The following KRT32 variants were observed in gnomAD, a reference collection of about 807,000 sequenced individuals.
KRT32 encodes the protein keratin 32.
A neutral mutation model predicts 41.8 loss-of-function variants in KRT32; 44 were observed. The ratio of observed to expected loss-of-function variants is 1.05; its 90% CI spans 0.83 to 1.35. KRT32 has a LOEUF of 1.35. Among genes scored for constraint, KRT32 ranks in the 40% most tolerant of loss-of-function variants. The pLI, the probability that KRT32 is intolerant of heterozygous loss-of-function variation, is 0.00. For synonymous variants in KRT32, 238 were observed against 242.5 expected (o/e 0.98, Z 0.17); for missense variants, 576 against 584.6 (o/e 0.99, Z 0.15).
At chr17:41,460,772 C>T (rs1209752289) in intron 6 of KRT32, among the ~76,000 whole-genome samples, 4 of 152,100 alleles carry the variant, frequency 2.6e-5, no homozygotes, top group South Asian at 2.1e-4. Flanking sequence ...ACCTAGATGA[C>T]GGGTTGATAG....
At position 41,467,041 on chromosome 17, in the gene KRT32, A is replaced by G. The variant is rs2019076469; in HGVS notation, c.285T>C (p.Asn95=). 1 of 1,614,100 alleles carries G rather than the reference A, an allele frequency of 6.2e-7. No individual in the cohort carries two copies. Among genetic ancestry groups the G allele is most frequent in the Non-Finnish European group, 8.5e-7 (1 of 1,180,042 alleles). ...SWYSEGAFNG[N]EKETMQFLND... Reference sequence around the variant, plus strand: ...TAAGGAACTGCATGGTTTCCTTCTCATTGCCATTGAAGGCCCCTTCGCTGT... The same window carrying G: ...TAAGGAACTGCATGGTTTCCTTCTCGTTGCCATTGAAGGCCCCTTCGCTGT... Residue 95 remains asparagine, a synonymous_variant, in exon 1 of 7, where the codon AAT becomes AAC. Transcript: ENST00000225899.
Position 41,459,538 on chromosome 17 carries a change from G to T in KRT32, c.*572C>A, listed in dbSNP as rs1010422684. 6.6e-6 allele frequency among the ~76,000 whole-genome samples: 1 copy of T among 152,130 alleles called. No individual in the cohort carries two copies. Among genetic ancestry groups the T allele is most frequent in the Non-Finnish European group, 1.5e-5 (1 of 68,018 alleles). On this transcript the variant is annotated 3_prime_UTR_variant, in exon 7 of 7. Transcript: ENST00000225899. ...TGAGATTTAGGGGTGGGTTTATTAT[G>T]ATATGATTCTCAATTACAGTAATTT...
chr17:41,463,023 C>T lies in KRT32; in HGVS notation c.1024G>A (p.Glu342Lys). 1 of 1,613,792 alleles carries T rather than the reference C, an allele frequency of 6.2e-7. No individual in the cohort carries two copies. The highest frequency in any genetic ancestry group is 1.7e-5 in the Admixed American group (1 of 60,018). The change falls in exon 6 of 7, where the codon GAG (glutamate) becomes AAG (lysine). Residue 342 changes from glutamate to lysine, a missense_variant. Coordinates refer to ENST00000225899, the MANE Select transcript of KRT32 (RefSeq NM_002278.3). ...TGGGAGCTGTAGCGGGCCTCACTCT[C>T]CGTCAGCGTGTTTTCCAGGGAGTCC... ...LRDSLENTLT[E>K]SEARYSSQLA...
In KRT32 at chr17:41,464,352, T is replaced by G; in HGVS notation, c.800A>C (p.Glu267Ala). The G allele has an allele frequency of 1.2e-6, 2 of 1,612,386 alleles. No homozygotes were observed. The highest frequency in any genetic ancestry group is 2.2e-5 in the South Asian group (2 of 90,898). ...PPVDLTRVLE[E>A]MRCQYEAMVE... Reference sequence around the variant, plus strand: ...CATGGCCTCGTACTGACACCGCATCTCCTCCAGCACCCTGGTCAGGTCCAC... The same window carrying G: ...CATGGCCTCGTACTGACACCGCATCGCCTCCAGCACCCTGGTCAGGTCCAC... The change falls in exon 4 of 7, where the codon GAG (glutamate) becomes GCG (alanine). Residue 267 changes from glutamate to alanine, a missense_variant. Physicochemically the swap from Glu to Ala is moderately radical, Grantham distance 107. Coordinates refer to ENST00000225899, the MANE Select transcript of KRT32 (RefSeq NM_002278.3).
intron 2 of KRT32, 24 bp from the exon 3 acceptor site, chr17:41,465,953 C>A (rs2019063172): frequency 1.2e-6 from 2 of 1,607,266 alleles, no homozygotes; most frequent in Non-Finnish European, 1.7e-6. Flanking sequence ...GGGTCAGCAA[C>A]CAAGGGTGAA....
chr17:41,467,275 G>A lies in KRT32; in HGVS notation c.51C>T (p.Ser17=). ...VTNNLQASLK[S]CPRPASVCSS... ...AACAGACCGAGGCAGGCCGGGGGCA[G>A]CTCTTGAGAGAGGCTTGCAAGTTGT... Residue 17 remains serine, a synonymous_variant, in exon 1 of 7, where the codon AGC becomes AGT. Transcript: ENST00000225899. 1 of 1,613,302 alleles carries A rather than the reference G, an allele frequency of 6.2e-7. No individual in the cohort carries two copies. Among genetic ancestry groups the A allele is most frequent in the South Asian group, 1.1e-5 (1 of 91,050 alleles).
chr17:41,461,404 C>G (rs1487628260), intron 6 of KRT32, among the ~76,000 whole-genome samples: 2 of 152,218 alleles, frequency 1.3e-5, no homozygotes, highest in African/African-American at 4.8e-5. Flanking sequence ...CCAGGAACAA[C>G]ACACTGGATG....
chr17:41,465,018 C>G (rs1054249396), intron 3 of KRT32, among the ~76,000 whole-genome samples: 3 of 152,112 alleles, frequency 2.0e-5, no homozygotes, highest in Non-Finnish European at 4.4e-5. Flanking sequence ...CCTGAGGAAA[C>G]CCAGCCAAGA....
chr17:41,464,058 G>A lies in KRT32; in HGVS notation c.996+20C>T. 2 of 1,556,566 alleles carry A rather than the reference G, an allele frequency of 1.3e-6. No homozygotes were observed. The highest frequency in any genetic ancestry group is 1.9e-5 in the Admixed American group (1 of 52,590). On this transcript the variant is annotated intron_variant, in intron 5 of 6. Transcript: ENST00000225899. ...CCGCCTAGGATCCGGAGGGATGGGT[G>A]CCCACCCAGCAGCTCTCACCAGGCT...
chr17:41,463,930 G>A lies in KRT32; in HGVS notation c.996+148C>T, dbSNP rs1179035736. 1.8e-5 allele frequency: 14 copies of A among 768,728 alleles called. No homozygotes were observed. The South Asian group carries it at 2.8e-4, about 15-fold the overall frequency. 47.6% of individuals were successfully genotyped at this position (768,728 alleles called of 1,614,324 possible). A position where few individuals can be genotyped will look rare whatever the true frequency, so the allele number is the denominator to read the frequency against. On this transcript the variant is annotated intron_variant, in intron 5 of 6. Transcript: ENST00000225899. The stretch of plus-strand genomic sequence containing the variant: ...TTTTTATCTCTGAGCTGGATCTCGG[G>A]AGAAACCTCCCTCCGGGAAAAGTCA...
chr17:41,464,625 C>T (rs909712552), intron 3 of KRT32, among the ~76,000 whole-genome samples, 182 bp from the exon 4 acceptor site: 2 of 152,222 alleles, frequency 1.3e-5, no homozygotes, highest in South Asian at 2.1e-4. Context: ...AATACCCCTG[C>T]GATGGGAACC....
chr17:41,464,989 T>C (rs2019050838), intron 3 of KRT32, among the ~76,000 whole-genome samples: 1 of 152,138 alleles, frequency 6.6e-6, no homozygotes, highest in African/African-American at 2.4e-5. Context: ...TGGTGACTGA[T>C]TGTTACTTTA....
rs202219428 is a variant in KRT32, at chr17:41,467,165, G to A, written c.161C>T (p.Thr54Ile). The A allele has an allele frequency of 1.2e-6, 2 of 1,614,102 alleles. No homozygotes were observed. Among genetic ancestry groups the A allele is most frequent in the East Asian group, 4.5e-5 (2 of 44,890 alleles). ...GAGGCAGCTGGCTGGCCGGAAGGTG[G>A]TGGGCAGGCAGACCGAAGGCAGGCA... ...MACLPSVCLP[T>I]TFRPASCLSK... The change falls in exon 1 of 7, where the codon ACC (threonine) becomes ATC (isoleucine). Residue 54 changes from threonine (T) to isoleucine (I), a missense_variant. Transcript: ENST00000225899.
At position 41,466,082 on chromosome 17, in the gene KRT32, G is replaced by A. The variant is rs367815390; in HGVS notation, c.551+12C>T. On this transcript the variant is annotated intron_variant, in intron 2 of 6. Coordinates refer to ENST00000225899, the MANE Select transcript of KRT32 (RefSeq NM_002278.3). ...AGGTCCTCCCCAGCTCCAGCCCCCCGACTGAACTCACTTGGCCCTGAAGTC... is the reference window on the plus strand; with the variant it reads ...AGGTCCTCCCCAGCTCCAGCCCCCCAACTGAACTCACTTGGCCCTGAAGTC... 9.5e-5 allele frequency: 153 copies of A among 1,613,448 alleles called. No homozygotes were observed. Among genetic ancestry groups the A allele is most frequent in the Non-Finnish European group, 1.0e-4 (119 of 1,179,590 alleles).
At chr17:41,464,486 G>T in intron 3 of KRT32, 43 bp from the exon 4 acceptor site, 1 of 1,499,912 alleles carries the variant, frequency 6.7e-7, no homozygotes, top group East Asian at 2.3e-5. Context: ...ACAATGATAG[G>T]ATCCTGGCTC....
At chr17:41,464,556 T>A in intron 3 of KRT32, 113 bp from the exon 4 acceptor site, 1 of 1,059,044 alleles carries the variant, frequency 9.4e-7, no homozygotes, top group Non-Finnish European at 1.3e-6. Context: ...AAACATTAGA[T>A]GGCCCCTAAG....
chr17:41,461,861 C>A (rs778984816), intron 6 of KRT32, among the ~76,000 whole-genome samples: 28 of 152,220 alleles, frequency 1.8e-4, no homozygotes, highest in Non-Finnish European at 2.6e-4. Context: ...TGTCCATGGC[C>A]CAGAGGTACC....
chr17:41,467,007 G>A lies in KRT32; in HGVS notation c.319C>T (p.Leu107=). 6.2e-7 allele frequency: 1 copy of A among 1,614,264 alleles called. No individual in the cohort carries two copies. Among genetic ancestry groups the A allele is most frequent in the Non-Finnish European group, 8.5e-7 (1 of 1,180,050 alleles). ...CGCACCCTCGTCAGGTAGCTGGCCA[G>A]GCGGTCGTTAAGGAACTGCATGGTT... ...KETMQFLNDR[L]ASYLTRVRQL... is the part of the protein sequence containing the mutation. The change falls in exon 1 of 7, where the codon CTG becomes TTG. Residue 107 remains leucine (L), a synonymous_variant. Coordinates refer to ENST00000225899, the MANE Select transcript of KRT32 (RefSeq NM_002278.3).
intron 6 of KRT32, among the ~76,000 whole-genome samples, chr17:41,460,858 A>T (rs140895678): frequency 1.3e-5 from 2 of 152,216 alleles, no homozygotes; most frequent in African/African-American, 2.4e-5. Flanking sequence ...CCCAGAAGTT[A>T]AAGTAAAATA....
Sources: allele counts gnomAD v4.1 joint callset (sites outside exome capture counted in the v4.1 genomes callset), GRCh38; gene constraint gnomAD v4.1.1; transcripts MANE v1.5; gene names NCBI Gene and HGNC (gene_info 2026-07-23, HGNC 2026-07-21).